Variants in MTUS2 observed in about 807,000 individuals in gnomAD.
MTUS2 encodes microtubule-associated tumor suppressor candidate 2.
In MTUS2, 40 loss-of-function variants were observed where a neutral mutation model predicts 114.1. That is an observed-to-expected ratio of 0.35 (90% CI 0.27 to 0.46). The LOEUF is 0.46. Ranked by LOEUF, MTUS2 falls within the 20% of genes least tolerant of loss-of-function variation. The pLI, the probability that MTUS2 is intolerant of heterozygous loss-of-function variation, is 1.00. For synonymous variants in MTUS2, 688 were observed against 672.0 expected, an observed-to-expected ratio of 1.02 and a Z score of -0.37; for missense variants, 1,679 against 1,705.4, an observed-to-expected ratio of 0.98 and a Z score of 0.27.
rs536757653 is a variant in MTUS2 at position 29,381,942 on chromosome 13, A to G, written c.3117+22469A>G. ...ACTCTATCACGTTGTGCTGATGTCCATCATTCAAGAAATAATCATTGCGTG... is the reference window on the plus strand; with the variant it reads ...ACTCTATCACGTTGTGCTGATGTCCGTCATTCAAGAAATAATCATTGCGTG... On this transcript the variant is annotated intron_variant, in intron 8 of 15. Coordinates refer to ENST00000612955, the MANE Select transcript of MTUS2 (RefSeq NM_001033602.4). Among the ~76,000 whole-genome samples, 22 of 152,346 alleles carry G rather than the reference A, an allele frequency of 1.4e-4. No individual in the cohort carries two copies. In the East Asian group the frequency reaches 2.1e-3, roughly 15 times the overall value.
intron 4 of MTUS2, among the ~76,000 whole-genome samples, chr13:29,061,595 A>G (rs528672657): frequency 5.7e-4 from 7 of 12,366 alleles, no homozygotes; most frequent in African/African-American, 1.2e-3. Flanking sequence ...GACCTCCCCA[A>G]ACTTTGGTCT....
chr13:29,100,728 T>A, intron 4 of MTUS2, 45 bp from the exon 5 acceptor site: 1 of 1,540,662 alleles, frequency 6.5e-7, no homozygotes, highest in South Asian at 1.2e-5. Context: ...ATTATCTCAT[T>A]ATGAACTGAG....
intron 8 of MTUS2, among the ~76,000 whole-genome samples, chr13:29,368,120 A>G (rs1412975780): frequency 3.3e-5 from 5 of 151,768 alleles, no homozygotes; most frequent in Non-Finnish European, 7.4e-5. Context: ...TTGTATTTTT[A>G]GTGGAGACAG....
intron 5 of MTUS2, among the ~76,000 whole-genome samples, chr13:29,199,264 T>C (rs902026306): frequency 2.6e-5 from 4 of 152,248 alleles, no homozygotes; most frequent in African/African-American, 9.6e-5. Context: ...CTTTGTCTTG[T>C]GCTGGTTTTC....
intron 8 of MTUS2, among the ~76,000 whole-genome samples, chr13:29,437,345 C>T (rs758828187): frequency 2.6e-5 from 4 of 152,096 alleles, no homozygotes; most frequent in African/African-American, 4.8e-5. Context: ...TATTTAGGAA[C>T]GTGTTTAGGA....
chr13:28,845,543 A>T (rs1032246852), intron 2 of MTUS2, among the ~76,000 whole-genome samples: 1 of 152,174 alleles, frequency 6.6e-6, no homozygotes, highest in Non-Finnish European at 1.5e-5. Context: ...TCAAGGAGAG[A>T]CACTTCATTT....
intron 8 of MTUS2, among the ~76,000 whole-genome samples, chr13:29,425,733 T>C (rs73444016): frequency 0.021 from 3,123 of 152,248 alleles, 108 homozygotes; most frequent in African/African-American, 0.07. Flanking sequence ...AGAATCTGGG[T>C]CATGTGCACT....
intron 5 of MTUS2, among the ~76,000 whole-genome samples, chr13:29,181,788 CTGTGTGTGTGTGTG>C (rs34853883): frequency 9.5e-5 from 14 of 146,722 alleles, no homozygotes; most frequent in African/African-American, 2.8e-4. Flanking sequence ...TTATATACTA[CTGTGTGTGTGTGTG>C]TGTGTGTGTG....
At chr13:29,389,344 C>CATATAT (rs1467356782) in intron 8 of MTUS2, among the ~76,000 whole-genome samples, 1 of 55,980 alleles carries the variant, frequency 1.8e-5, no homozygotes, top group Non-Finnish European at 3.3e-5. Flanking sequence ...TATGTATGCA[C>CATATAT]GTGTGTGTAT....
chr13:29,462,924 G>A (rs1879615371), intron 9 of MTUS2, among the ~76,000 whole-genome samples: 4 of 152,120 alleles, frequency 2.6e-5, no homozygotes, highest in African/African-American at 9.7e-5. Context: ...CCCAGAGCCT[G>A]TGTTAACCTC....
At chr13:29,438,519 C>T (rs781529779) in intron 8 of MTUS2, among the ~76,000 whole-genome samples, 4 of 152,148 alleles carry the variant, frequency 2.6e-5, no homozygotes, top group Non-Finnish European at 4.4e-5. Context: ...TATCCTCACA[C>T]GGAGGAAGGG....
At chr13:29,335,156 A>G (rs1900988585) in intron 7 of MTUS2, among the ~76,000 whole-genome samples, 1 of 152,208 alleles carries the variant, frequency 6.6e-6, no homozygotes, top group African/African-American at 2.4e-5. Context: ...TTTTCTCAGC[A>G]AGGAACATCC....
intron 8 of MTUS2, among the ~76,000 whole-genome samples, chr13:29,406,659 A>G (rs1874777645): frequency 6.6e-6 from 1 of 152,250 alleles, no homozygotes. Context: ...CAGGACCACA[A>G]CAGGTGTAAT....
chr13:29,378,262 G>A (rs1871905635), intron 8 of MTUS2, among the ~76,000 whole-genome samples: 1 of 150,592 alleles, frequency 6.6e-6, no homozygotes, highest in African/African-American at 2.4e-5. Context: ...CAAAGTCAGT[G>A]TTACTGTATG....
In MTUS2 at chr13:29,200,859, C is replaced by T. The variant is rs149272569; in HGVS notation, c.2645-80845C>T. Among the ~76,000 whole-genome samples, 394 of 152,258 alleles carry T rather than the reference C, an allele frequency of 2.6e-3. 19 individuals carry two copies. The East Asian group carries it at 0.068, about 26-fold the overall frequency. On this transcript the variant is annotated intron_variant, in intron 5 of 15. Transcript: ENST00000612955. Reference sequence around the variant, plus strand: ...AATCCCGAGTTCTAATTTGATTGCACTGTGGCCTGAGAGACTGTTGGTTAG... The same window carrying T: ...AATCCCGAGTTCTAATTTGATTGCATTGTGGCCTGAGAGACTGTTGGTTAG...
chr13:29,149,677 A>G (rs1213719769), intron 5 of MTUS2, among the ~76,000 whole-genome samples: 1 of 152,132 alleles, frequency 6.6e-6, no homozygotes, highest in African/African-American at 2.4e-5. Context: ...TCTTTAATCC[A>G]TCTTGAATTT....
chr13:29,472,570 G>T (rs1406583168), intron 9 of MTUS2, among the ~76,000 whole-genome samples: 1 of 152,092 alleles, frequency 6.6e-6, no homozygotes, highest in Non-Finnish European at 1.5e-5. Flanking sequence ...GGTGGTCACA[G>T]GTTTGTTACA....
intron 3 of MTUS2, among the ~76,000 whole-genome samples, chr13:29,031,875 A>G (rs1171759993): frequency 6.6e-6 from 1 of 151,918 alleles, no homozygotes; most frequent in Non-Finnish European, 1.5e-5. Context: ...ACACTATCCC[A>G]TTGAGGACAG....
intron 4 of MTUS2, among the ~76,000 whole-genome samples, chr13:29,084,769 C>G (rs1889603946): frequency 6.9e-6 from 1 of 143,974 alleles, no homozygotes; most frequent in Admixed American, 6.9e-5. Context: ...AACTCCTGAC[C>G]TCAGGTGATC....
Sources: gnomAD v4.1 joint callset for allele counts (sites outside exome capture counted in the v4.1 genomes callset) on GRCh38, gnomAD v4.1.1 for gene constraint, MANE v1.5 for transcripts, NCBI Gene and HGNC (gene_info 2026-07-23, HGNC 2026-07-21) for gene names.